The following SLC9A2 variants were observed in gnomAD, a reference collection of about 807,000 sequenced individuals.
SLC9A2 encodes the protein solute carrier family 9 member A2.
Under a neutral mutation model 71.7 loss-of-function variants are expected in SLC9A2, and 42 were observed. That is an observed-to-expected ratio of 0.59 (90% confidence interval 0.46 to 0.76). The LOEUF is 0.76. SLC9A2 is among the 30% of genes least tolerant of loss of function. The pLI, the probability that SLC9A2 is intolerant of heterozygous loss-of-function variation, is 0.00. For missense variants in SLC9A2, 829 were observed against 1,017.4 expected, an observed-to-expected ratio of 0.81 and a Z score of 2.52; for synonymous variants, 396 against 392.5, an observed-to-expected ratio of 1.01 and a Z score of -0.10.
At chr2:102,690,915 A>G (rs1677646688) in intron 5 of SLC9A2, among the ~76,000 whole-genome samples, 1 of 146,894 alleles carries the variant, frequency 6.8e-6, no homozygotes, top group Non-Finnish European at 1.5e-5. Flanking sequence ...CATCCTTTTT[A>G]TTTTGCAAAT....
At chr2:102,663,009 G>T (rs1558711985) in intron 2 of SLC9A2, among the ~76,000 whole-genome samples, 1 of 152,170 alleles carries the variant, frequency 6.6e-6, no homozygotes, top group Non-Finnish European at 1.5e-5. Context: ...TGGAACACTG[G>T]TGACTGCCCC....
intron 5 of SLC9A2, chr2:102,689,685 G>C (rs1029123437): frequency 6.6e-6 from 1 of 152,186 alleles, no homozygotes; most frequent in Non-Finnish European, 1.5e-5. Flanking sequence ...AAGATGATCA[G>C]GCTTTTTTAA....
chr2:102,692,031 T>C (rs1677673803), intron 5 of SLC9A2, among the ~76,000 whole-genome samples: 1 of 152,266 alleles, frequency 6.6e-6, no homozygotes, highest in African/African-American at 2.4e-5. Flanking sequence ...TGAGCTATTA[T>C]TAAACTACTG....
intron 7 of SLC9A2, among the ~76,000 whole-genome samples, chr2:102,699,297 C>T (rs1677827024): frequency 1.3e-5 from 2 of 152,248 alleles, no homozygotes; most frequent in South Asian, 2.1e-4. Flanking sequence ...CATGGGAGCA[C>T]TGCTGGTAAG....
chr2:102,638,527 A>G (rs1383398238), intron 1 of SLC9A2, among the ~76,000 whole-genome samples: 1 of 152,218 alleles, frequency 6.6e-6, no homozygotes, highest in African/African-American at 2.4e-5. Flanking sequence ...GCACTGTGTT[A>G]AGTCACACAA....
Position 102,704,631 on chromosome 2 carries a change from C to T in SLC9A2, c.1933C>T (p.Arg645Ter), listed in dbSNP as rs201034436. Reference sequence around the variant, plus strand: ...TCTGATTCGCCGGCGACACAGTTTGCGAGAAAGCATTAGGAAGGACAGCAG... The same window carrying T: ...TCTGATTCGCCGGCGACACAGTTTGTGAGAAAGCATTAGGAAGGACAGCAG... ...EILIRRRHSL[R>*]ESIRKDSSLN... The change falls in exon 10 of 12, where the codon CGA (arginine) becomes TGA (stop). Residue 645 changes from arginine (R) to a stop codon, truncating the protein, a stop_gained. Transcript: ENST00000233969. LOFTEE classifies it high-confidence loss of function. The T allele has an allele frequency of 5.0e-6, 8 of 1,612,998 alleles. No individual in the cohort carries two copies. The highest frequency in any genetic ancestry group is 1.7e-6 in the Non-Finnish European group (2 of 1,179,422).
intron 1 of SLC9A2, among the ~76,000 whole-genome samples, chr2:102,627,972 TA>T (rs1419620667): frequency 7.9e-5 from 12 of 152,186 alleles, no homozygotes; most frequent in African/African-American, 2.9e-4. Context: ...ACATCAGTCT[TA>T]TTAAAATGAA....
intron 3 of SLC9A2, among the ~76,000 whole-genome samples, chr2:102,677,287 C>G (rs748928979): frequency 2.0e-5 from 3 of 150,258 alleles, no homozygotes; most frequent in Non-Finnish European, 4.4e-5. Flanking sequence ...TCCACCCACC[C>G]TCCCCAGGGG....
chr2:102,666,659 T>C (rs1275857547), intron 3 of SLC9A2, among the ~76,000 whole-genome samples: 1 of 152,210 alleles, frequency 6.6e-6, no homozygotes, highest in Non-Finnish European at 1.5e-5. Context: ...TTGAATCCTG[T>C]TGTAGCATTT....
rs1419158315 is a variant in SLC9A2, at chr2:102,708,356, C to T, written c.2306C>T (p.Ser769Phe). The change falls in exon 12 of 12, where the codon TCT (serine) becomes TTT (phenylalanine). Residue 769 changes from serine to phenylalanine, a missense_variant. This residue lies in a region of SLC9A2 where 223 missense variants were observed against 197.5 expected (regional missense o/e 1.13). Transcript: ENST00000233969. ...TSGLLQQPLL[S>F]KDQSGSERED... ...GGCTTACTACAGCAGCCCCTTCTCT[C>T]TAAAGACCAGTCTGGCTCAGAGAGG... 1 of 1,614,226 alleles carries T rather than the reference C, an allele frequency of 6.2e-7. No homozygotes were observed. Among genetic ancestry groups the T allele is most frequent in the Non-Finnish European group, 8.5e-7 (1 of 1,180,050 alleles).
rs151296588 is a variant in SLC9A2, at chr2:102,649,539, A to G, written c.290-8025A>G. Among the ~76,000 whole-genome samples the G allele has an allele frequency of 5.3e-3, 803 of 152,314 alleles. 7 individuals carry two copies. The highest frequency in any genetic ancestry group is 0.018 in the African/African-American group (737 of 41,566). ...TATCATCAGAGTGAAGAGGCAACCTACAGAATGGGAGAAAATTTTTGCAGT... is the reference window on the plus strand; with the variant it reads ...TATCATCAGAGTGAAGAGGCAACCTGCAGAATGGGAGAAAATTTTTGCAGT... On this transcript the variant is annotated intron_variant, in intron 1 of 11. Coordinates refer to ENST00000233969, the MANE Select transcript of SLC9A2 (RefSeq NM_003048.6).
chr2:102,652,286 G>A (rs1676850239), intron 1 of SLC9A2, among the ~76,000 whole-genome samples: 1 of 152,124 alleles, frequency 6.6e-6, no homozygotes, highest in African/African-American at 2.4e-5. Context: ...TGGTTCTGAG[G>A]TTTCTTCACT....
intron 5 of SLC9A2, among the ~76,000 whole-genome samples, chr2:102,687,438 G>A (rs1324547536): frequency 6.6e-6 from 1 of 152,162 alleles, no homozygotes; most frequent in Non-Finnish European, 1.5e-5. Flanking sequence ...AATATAGCAG[G>A]AATAACTAAT....
At chr2:102,660,213 G>C (rs937947981) in intron 2 of SLC9A2, among the ~76,000 whole-genome samples, 1 of 152,190 alleles carries the variant, frequency 6.6e-6, no homozygotes, top group African/African-American at 2.4e-5. Flanking sequence ...GCTGACCCAG[G>C]GAAGGCAGGC....
chr2:102,643,886 T>A (rs751104616), intron 1 of SLC9A2, among the ~76,000 whole-genome samples: 2 of 149,142 alleles, frequency 1.3e-5, no homozygotes, highest in Admixed American at 6.9e-5. Flanking sequence ...ACCTGTTGTA[T>A]CTTTTTAAAT....
At position 102,627,229 on chromosome 2, in the gene SLC9A2, C is replaced by G. The variant is rs141048027; in HGVS notation, c.289+7092C>G. On this transcript the variant is annotated intron_variant, in intron 1 of 11. Coordinates refer to ENST00000233969, the MANE Select transcript of SLC9A2 (RefSeq NM_003048.6). ...ACTCAGGAGCTAGTCAGGAGGATCA[C>G]TTGAGCTCAGGAGTTCAAAGTTACA... 2.0e-3 allele frequency among the ~76,000 whole-genome samples: 309 copies of G among 152,310 alleles called. 1 individual carries two copies. The highest frequency in any genetic ancestry group is 7.2e-3 in the African/African-American group (299 of 41,564).
At chr2:102,665,921 G>T (rs1677128075) in intron 3 of SLC9A2, among the ~76,000 whole-genome samples, 1 of 151,628 alleles carries the variant, frequency 6.6e-6, no homozygotes, top group Non-Finnish European at 1.5e-5. Flanking sequence ...CATGAAATAT[G>T]ACAGTAAACT....
At position 102,665,282 on chromosome 2, in the gene SLC9A2, G is replaced by C; in HGVS notation, c.936G>C (p.Leu312=). ...FTHNIRVIEP[L]FVFLYSYLSY... ...ATAATATCCGAGTGATCGAGCCACT[G>C]TTTGTTTTCCTGTACAGTTATTTGT... The change falls in exon 3 of 12, where the codon CTG becomes CTC. Residue 312 remains leucine (L), a synonymous_variant. Transcript: ENST00000233969. 2 of 1,614,078 alleles carry C rather than the reference G, an allele frequency of 1.2e-6. No homozygotes were observed.
rs932850964 is a variant in SLC9A2, at chr2:102,708,407, C to T, written c.2357C>T (p.Pro786Leu). 2 of 1,614,202 alleles carry T rather than the reference C, an allele frequency of 1.2e-6. No individual in the cohort carries two copies. The highest frequency in any genetic ancestry group is 2.2e-5 in the East Asian group (1 of 44,872). Residue 786 changes from proline (P) to leucine (L), a missense_variant, in exon 12 of 12, where the codon CCG becomes CTG. Pro to Leu is a moderately conservative substitution (Grantham distance 98, BLOSUM62 -3). Around this residue, in one of 3 missense-constraint regions of SLC9A2, gnomAD observed 223 missense variants for 197.5 expected, o/e 1.13. Transcript: ENST00000233969. Reference protein sequence around the residue: ...EREDSLTEGIPPKPPPRLVWR... With the variant: ...EREDSLTEGILPKPPPRLVWR... Reference sequence around the variant, plus strand: ...GAAGACAGTTTGACTGAAGGCATCCCGCCCAAGCCGCCACCACGGCTGGTC... The same window carrying T: ...GAAGACAGTTTGACTGAAGGCATCCTGCCCAAGCCGCCACCACGGCTGGTC...
Sources: gnomAD v4.1 joint callset for allele counts (sites outside exome capture counted in the v4.1 genomes callset) on GRCh38, gnomAD v4.1.1 for gene constraint, gnomAD v4.1.1 regional missense constraint, MANE v1.5 for transcripts, NCBI Gene and HGNC (gene_info 2026-07-23, HGNC 2026-07-21) for gene names.